NBAS: variants seen among roughly 807,000 people sequenced by gnomAD.
The protein encoded by NBAS is NAG/BC035112 fusion.
A neutral mutation model predicts 302.5 loss-of-function variants in NBAS; 219 were observed. The ratio of observed to expected loss-of-function variants is 0.72; its 90% CI spans 0.65 to 0.81. The LOEUF (loss-of-function observed/expected upper bound fraction) is 0.81. Ranked by LOEUF, NBAS falls within the 30% of genes least tolerant of loss-of-function variation. The pLI is 0.00. For synonymous variants in NBAS, 1,118 were observed against 1,021.6 expected (o/e 1.09, Z -1.80); for missense variants, 2,932 against 2,841.6 (o/e 1.03, Z -0.72).
intron 21 of NBAS, among the ~76,000 whole-genome samples, chr2:15,433,537 C>T (rs535338086): frequency 7.3e-4 from 111 of 152,214 alleles, no homozygotes; most frequent in African/African-American, 2.6e-3. Context: ...TTTCCAAATA[C>T]CTAACAACTG....
chr2:15,125,386 G>A, the NBAS span, among the ~76,000 whole-genome samples: 61,075 of 151,888 alleles, frequency 0.4, 13,267 homozygotes, highest in African/African-American at 0.58. Flanking sequence ...AGAGGGGAGA[G>A]GTGTCATACA....
At chr2:14,945,942 G>A in the NBAS span, among the ~76,000 whole-genome samples, 8 of 152,252 alleles carry the variant, frequency 5.3e-5, no homozygotes, top group East Asian at 1.9e-4. Flanking sequence ...TTAGCCAGAC[G>A]TGGTGGCACG....
At chr2:15,170,649 C>T (rs1229186452) in intron 51 of NBAS, among the ~76,000 whole-genome samples, 1 of 152,108 alleles carries the variant, frequency 6.6e-6, no homozygotes, top group Admixed American at 6.5e-5. Context: ...TGGCTCTTTG[C>T]AAGAAATACA....
chr2:14,952,350 G>A, the NBAS span, among the ~76,000 whole-genome samples: 7 of 152,342 alleles, frequency 4.6e-5, no homozygotes, highest in Non-Finnish European at 4.4e-5. Flanking sequence ...CAGATATGAA[G>A]AGGACAAAGA....
chr2:14,843,428 C>T, the NBAS span, among the ~76,000 whole-genome samples: 1 of 151,964 alleles, frequency 6.6e-6, no homozygotes, highest in South Asian at 2.1e-4. Context: ...GAAGACCCCA[C>T]CAAAAAAAAT....
the NBAS span, among the ~76,000 whole-genome samples, chr2:14,823,875 T>C: frequency 1.3e-5 from 2 of 152,174 alleles, no homozygotes; most frequent in African/African-American, 4.8e-5. Flanking sequence ...TTCCAGCATA[T>C]CATGAAATCT....
At chr2:15,554,587 A>C (rs1664556746) in intron 3 of NBAS, among the ~76,000 whole-genome samples, 3 of 149,580 alleles carry the variant, frequency 2.0e-5, no homozygotes, top group Non-Finnish European at 4.4e-5. Flanking sequence ...GTAAAGAGAG[A>C]GATAAGAACT....
chr2:14,946,626 C>T, the NBAS span, among the ~76,000 whole-genome samples: 1 of 152,170 alleles, frequency 6.6e-6, no homozygotes, highest in East Asian at 1.9e-4. Context: ...CAGTAATGGA[C>T]ACATCATCCA....
intron 25 of NBAS, among the ~76,000 whole-genome samples, chr2:15,413,278 CA>C (rs1166243404): frequency 3.9e-5 from 6 of 152,068 alleles, no homozygotes; most frequent in Non-Finnish European, 8.8e-5. Flanking sequence ...CTTGCCCTGC[CA>C]AAATTTGCTG....
chr2:15,302,145 G>A (rs1670829776), intron 40 of NBAS, among the ~76,000 whole-genome samples: 1 of 152,192 alleles, frequency 6.6e-6, no homozygotes, highest in African/African-American at 2.4e-5. Context: ...AAATGGAGAG[G>A]TGGTAACTCT....
At chr2:14,825,108 G>C in the NBAS span, among the ~76,000 whole-genome samples, 141 of 152,254 alleles carry the variant, frequency 9.3e-4, 2 homozygotes, top group East Asian at 0.022. Flanking sequence ...TGCTTGTCGG[G>C]GTGTGGCAGG....
intron 44 of NBAS, among the ~76,000 whole-genome samples, chr2:15,240,385 G>A (rs1667807234): frequency 6.7e-6 from 1 of 149,722 alleles, no homozygotes; most frequent in Admixed American, 6.7e-5. Context: ...GATGGATCAC[G>A]AGGTCAGGTG....
At chr2:14,944,063 G>T in the NBAS span, among the ~76,000 whole-genome samples, 2 of 152,204 alleles carry the variant, frequency 1.3e-5, no homozygotes, top group Non-Finnish European at 2.9e-5. Flanking sequence ...ACTTTGGGAG[G>T]CCGAGGCGGG....
intron 21 of NBAS, among the ~76,000 whole-genome samples, chr2:15,451,299 C>T (rs1678999626): frequency 6.6e-6 from 1 of 152,134 alleles, no homozygotes; most frequent in Non-Finnish European, 1.5e-5. Flanking sequence ...TATCCTCCTG[C>T]CATGGCCTCC....
At chr2:15,013,054 TCA>T in the NBAS span, among the ~76,000 whole-genome samples, 1 of 152,218 alleles carries the variant, frequency 6.6e-6, no homozygotes, top group African/African-American at 2.4e-5. Flanking sequence ...AGATGGGGTT[TCA>T]CCATGTTGGC....
the NBAS span, among the ~76,000 whole-genome samples, chr2:15,149,343 T>C: frequency 2.6e-5 from 4 of 152,368 alleles, no homozygotes; most frequent in East Asian, 5.8e-4. Context: ...CCTCCAGAAC[T>C]ACAAGAAATA....
intron 25 of NBAS, among the ~76,000 whole-genome samples, chr2:15,414,099 C>T (rs2148456063): frequency 6.6e-6 from 1 of 152,274 alleles, no homozygotes; most frequent in Non-Finnish European, 1.5e-5. Flanking sequence ...CCACCCTGAC[C>T]TCACCACCCC....
chr2:15,321,498 T>C lies in NBAS; in HGVS notation c.4582+6252A>G, dbSNP rs187815014. Reference sequence around the variant, plus strand: ...AGAAAATTTTTGCAATCTACCCATCTGACAAAGGGCTAATATCCAGAATCT... The same window carrying C: ...AGAAAATTTTTGCAATCTACCCATCCGACAAAGGGCTAATATCCAGAATCT... On this transcript the variant is annotated intron_variant, in intron 38 of 51. Transcript: ENST00000281513. Among the ~76,000 whole-genome samples, 39 of 152,290 alleles carry C rather than the reference T, an allele frequency of 2.6e-4. No individual in the cohort carries two copies. The East Asian group carries it at 7.3e-3, about 29-fold the overall frequency.
At chr2:15,368,615 C>G (rs1674336621) in intron 31 of NBAS, among the ~76,000 whole-genome samples, 1 of 152,096 alleles carries the variant, frequency 6.6e-6, no homozygotes, top group Admixed American at 6.5e-5. Context: ...TCAAAATCAC[C>G]ATTGCTAATA....
Sources: allele counts gnomAD v4.1 joint callset (sites outside exome capture counted in the v4.1 genomes callset), GRCh38; gene constraint gnomAD v4.1.1; transcripts MANE v1.5; gene names NCBI Gene and HGNC (gene_info 2026-07-23, HGNC 2026-07-21).